ANO4: variants seen among roughly 807,000 people sequenced by gnomAD.
ANO4 encodes the protein anoctamin 4.
In ANO4, 69 loss-of-function variants were observed where a neutral mutation model predicts 141.9. The observed-to-expected ratio is 0.49, with a 90% confidence interval of 0.40 to 0.59. ANO4 has a LOEUF of 0.59. ANO4 is among the 20% of genes least tolerant of loss of function. ANO4 has a pLI of 0.00. For synonymous variants in ANO4, 350 were observed against 394.3 expected (o/e 0.89, Z 1.33); for missense variants, 894 against 1,162.2 (o/e 0.77, Z 3.36).
At chr12:100,904,531 T>C (rs1005443533) in intron 2 of ANO4, among the ~76,000 whole-genome samples, 10 of 152,144 alleles carry the variant, frequency 6.6e-5, no homozygotes, top group Admixed American at 2.6e-4. Context: ...AGCAACTTCA[T>C]TCCAGCAGAG....
At position 101,080,881 on chromosome 12, in the gene ANO4, TATTA is replaced by T. The variant is rs1289752211; in HGVS notation, c.1395+1607_1395+1610del. 6.2e-4 allele frequency among the ~76,000 whole-genome samples: 55 copies of T among 89,078 alleles called. 2 individuals are homozygous for T. Among genetic ancestry groups the T allele is most frequent in the African/African-American group, 2.2e-3 (53 of 23,980 alleles). The allele number at this position is 89,078 out of a possible 152,430, so 58.4% of individuals were successfully genotyped here. ...TAGGTTCTAGATATATATATATATA[TATTA>T]TATATATATATATATACATACACAT... On this transcript the variant is annotated intron_variant, in intron 15 of 27. Coordinates refer to ENST00000392977, the MANE Select transcript of ANO4 (RefSeq NM_001286615.2).
At chr12:100,986,879 T>G (rs1038583855) in intron 7 of ANO4, among the ~76,000 whole-genome samples, 19 of 152,292 alleles carry the variant, frequency 1.2e-4, no homozygotes, top group African/African-American at 3.8e-4. Context: ...TGAAAACCAC[T>G]TTTAGGATAC....
chr12:100,788,477 A>G (rs1156726170), intron 3 of ANO4, among the ~76,000 whole-genome samples: 1 of 152,118 alleles, frequency 6.6e-6, no homozygotes, highest in African/African-American at 2.4e-5. Context: ...CTGTCACTGG[A>G]TAGCATTTTA....
chr12:101,016,518 A>G (rs573195903), intron 8 of ANO4, among the ~76,000 whole-genome samples: 1 of 152,262 alleles, frequency 6.6e-6, no homozygotes, highest in Admixed American at 6.5e-5. Context: ...TTCCATTTCA[A>G]AATTAGATTT....
At chr12:100,719,130 G>T (rs547338407) in intron 1 of ANO4, among the ~76,000 whole-genome samples, 21 of 152,298 alleles carry the variant, frequency 1.4e-4, no homozygotes, top group Non-Finnish European at 2.8e-4. Context: ...TGTTTTTGGT[G>T]ATTAAGAATT....
chr12:100,975,941 A>AC (rs1002264316), intron 7 of ANO4, among the ~76,000 whole-genome samples: 4 of 117,418 alleles, frequency 3.4e-5, no homozygotes, highest in Non-Finnish European at 5.6e-5. Flanking sequence ...CAAAAAAAAA[A>AC]AAAGAAAAAA....
At chr12:101,020,225 A>G in intron 9 of ANO4, 85 bp downstream of exon 9, 1 of 886,256 alleles carries the variant, frequency 1.1e-6, no homozygotes, top group South Asian at 1.6e-5. Context: ...GTTTGTATCA[A>G]TTCTAGCAAT....
chr12:100,837,368 G>A (rs1440343414), intron 1 of ANO4, among the ~76,000 whole-genome samples: 2 of 152,118 alleles, frequency 1.3e-5, no homozygotes, highest in African/African-American at 4.8e-5. Flanking sequence ...AAGGTCACAC[G>A]GCTAATAAGC....
chr12:100,946,617 G>A (rs565912631), intron 5 of ANO4, among the ~76,000 whole-genome samples: 11 of 152,164 alleles, frequency 7.2e-5, no homozygotes, highest in African/African-American at 2.7e-4. Context: ...AAAAGAGTAG[G>A]TCAAATTGTA....
chr12:100,735,193 C>G (rs376723075), intron 2 of ANO4, among the ~76,000 whole-genome samples: 1 of 152,186 alleles, frequency 6.6e-6, no homozygotes, highest in African/African-American at 2.4e-5. Context: ...CTCCCCTTTT[C>G]TCATTCATTG....
chr12:101,035,588 G>A (rs1461942324), intron 9 of ANO4, among the ~76,000 whole-genome samples: 1 of 152,154 alleles, frequency 6.6e-6, no homozygotes, highest in Non-Finnish European at 1.5e-5. Context: ...TATGGATGAG[G>A]AAATTGAGTC....
At chr12:100,870,680 G>T (rs780860309) in intron 1 of ANO4, among the ~76,000 whole-genome samples, 1 of 152,042 alleles carries the variant, frequency 6.6e-6, no homozygotes, top group Non-Finnish European at 1.5e-5. Context: ...TGGACTGGAG[G>T]ACAATAAGTA....
intron 5 of ANO4, among the ~76,000 whole-genome samples, chr12:100,963,400 T>C (rs1592853305): frequency 6.6e-6 from 1 of 152,240 alleles, no homozygotes; most frequent in South Asian, 2.1e-4. Context: ...CTGTTACTAA[T>C]GTCACTTTCA....
chr12:100,864,609 A>G (rs1565948461), intron 1 of ANO4, among the ~76,000 whole-genome samples: 1 of 152,104 alleles, frequency 6.6e-6, no homozygotes, highest in Non-Finnish European at 1.5e-5. Flanking sequence ...GACACCTTTC[A>G]TCATAAGCCC....
intron 5 of ANO4, among the ~76,000 whole-genome samples, chr12:100,956,797 C>T (rs1272169062): frequency 5.9e-5 from 9 of 152,288 alleles, no homozygotes; most frequent in East Asian, 5.8e-4. Context: ...CCCAACTGCA[C>T]GTATCTGTAG....
intron 9 of ANO4, among the ~76,000 whole-genome samples, chr12:101,026,929 G>T (rs1268203339): frequency 2.0e-5 from 3 of 152,178 alleles, no homozygotes; most frequent in Non-Finnish European, 4.4e-5. Flanking sequence ...TCAAGAGAAT[G>T]AAAAGAAGGG....
At chr12:101,062,322 C>A (rs1407537328) in intron 14 of ANO4, among the ~76,000 whole-genome samples, 1 of 152,200 alleles carries the variant, frequency 6.6e-6, no homozygotes, top group African/African-American at 2.4e-5. Flanking sequence ...GTCTGTCGAC[C>A]CCTGCTGGGA....
At position 100,837,498 on chromosome 12, in the gene ANO4, G is replaced by A. The variant is rs1168704639; in HGVS notation, c.-141+42471G>A. 2.6e-5 allele frequency among the ~76,000 whole-genome samples: 4 copies of A among 151,932 alleles called. No individual in the cohort carries two copies. The East Asian group carries it at 5.8e-4, about 22-fold the overall frequency. On this transcript the variant is annotated intron_variant, in intron 1 of 27. Coordinates refer to ENST00000392977, the MANE Select transcript of ANO4 (RefSeq NM_001286615.2). Reference sequence around the variant, plus strand: ...TCTTATCAAAATTGCTCTCTCGACCGGGTGCAGTGGTTCACACCTGTAATC... The same window carrying A: ...TCTTATCAAAATTGCTCTCTCGACCAGGTGCAGTGGTTCACACCTGTAATC...
upstream of ANO4, chr12:100,717,488 C>T (rs1331767831): frequency 5.0e-6 from 2 of 398,488 alleles, no homozygotes; most frequent in Admixed American, 4.4e-5. Flanking sequence ...GCCGCTCTAG[C>T]CGACGCCCTG....
Sources: gnomAD v4.1 joint callset for allele counts (sites outside exome capture counted in the v4.1 genomes callset) on GRCh38, gnomAD v4.1.1 for gene constraint, MANE v1.5 for transcripts, NCBI Gene and HGNC (gene_info 2026-07-23, HGNC 2026-07-21) for gene names.